BRCA2: variants seen among roughly 807,000 people sequenced by gnomAD.
BRCA2 encodes the protein breast cancer type 2 susceptibility protein.
In BRCA2, 203 loss-of-function variants were observed where a neutral mutation model predicts 276.7. The ratio of observed to expected loss-of-function variants is 0.73; its 90% CI spans 0.65 to 0.82. BRCA2 has a LOEUF of 0.82. Among genes scored for constraint, BRCA2 ranks in the 40% least tolerant of loss-of-function variants. BRCA2 has a pLI of 0.00. For missense variants in BRCA2, 3,920 were observed against 3,915.0 expected, an observed-to-expected ratio of 1.00 and a Z score of -0.03; for synonymous variants, 1,289 against 1,338.4, an observed-to-expected ratio of 0.96 and a Z score of 0.81.
At chr13:32,315,918 T>C (rs1266990855) in intron 1 of BRCA2, among the ~76,000 whole-genome samples, 1 of 152,198 alleles carries the variant, frequency 6.6e-6, no homozygotes, top group Non-Finnish European at 1.5e-5. Context: ...CGCCTTCAGC[T>C]CAAGACTTAA....
chr13:32,377,520 G>A (rs1315663704), intron 21 of BRCA2, among the ~76,000 whole-genome samples: 1 of 151,230 alleles, frequency 6.6e-6, no homozygotes, highest in Non-Finnish European at 1.5e-5. Context: ...AATCCAGGAG[G>A]CAGAGGTTGC....
Position 32,340,486 on chromosome 13 carries a change from G to T in BRCA2, c.6131G>T (p.Gly2044Val), listed in dbSNP as rs56191579. 228 of 1,613,582 alleles carry T rather than the reference G, an allele frequency of 1.4e-4. 3 individuals are homozygous for T. In the East Asian group the frequency reaches 5.0e-3, roughly 35 times the overall value. The change falls in exon 11 of 27, where the codon GGC (glycine) becomes GTC (valine). Residue 2044 changes from glycine (G) to valine (V), a missense_variant. Gly to Val is a moderately radical substitution (Grantham distance 109, BLOSUM62 -3). Transcript: ENST00000380152. Reference protein sequence around the residue: ...RTPEHLISQKGFSYNVVNSSA... With the variant: ...RTPEHLISQKVFSYNVVNSSA... ...CCAGAACATTTAATATCCCAAAAAG[G>T]CTTTTCATATAATGTGGTAAATTCA...
chr13:32,384,972 G>A, intron 24 of BRCA2: 1 of 374,768 alleles, frequency 2.7e-6, no homozygotes, highest in Non-Finnish European at 5.0e-6. Flanking sequence ...TTGCCTGGGT[G>A]TATTACCACA....
intron 24 of BRCA2, chr13:32,384,748 A>G: frequency 3.9e-6 from 1 of 255,078 alleles, no homozygotes; most frequent in South Asian, 7.5e-5. Flanking sequence ...ATTAAAGATG[A>G]TGAAATGCCT....
At chr13:32,388,387 G>T (rs758242928) in intron 24 of BRCA2, among the ~76,000 whole-genome samples, 1 of 152,080 alleles carries the variant, frequency 6.6e-6, no homozygotes, top group East Asian at 1.9e-4. Context: ...ACAAAGTGCT[G>T]GGATTATAGG....
In BRCA2 at chr13:32,325,460, AAGTC is replaced by A. The variant is rs202006492; in HGVS notation, c.425+281_425+284del. 3.8e-3 allele frequency among the ~76,000 whole-genome samples: 581 copies of A among 152,270 alleles called. 5 individuals carry two copies. The highest frequency in any genetic ancestry group is 0.013 in the African/African-American group (548 of 41,562). ...AAAAATAACAGTGGTGAAAAGCAGT[AAGTC>A]AGTCCTTGAATTATCAATTTAAAAT... is the stretch of plus-strand genomic sequence containing the variant. On this transcript the variant is annotated intron_variant, in intron 4 of 26. Transcript: ENST00000380152.
intron 25 of BRCA2, 130 bp downstream of exon 25, chr13:32,395,063 T>A: frequency 7.8e-7 from 1 of 1,289,264 alleles, no homozygotes; most frequent in Non-Finnish European, 1.1e-6. Context: ...AATCATATAT[T>A]AATTGCCCAT....
chr13:32,321,858 A>G (rs924367154), intron 3 of BRCA2, among the ~76,000 whole-genome samples: 3 of 152,148 alleles, frequency 2.0e-5, no homozygotes, highest in African/African-American at 7.2e-5. Flanking sequence ...ACCATTCTTC[A>G]GCTTATTAAT....
At chr13:32,350,857 A>G (rs1000343210) in intron 13 of BRCA2, among the ~76,000 whole-genome samples, 2 of 152,246 alleles carry the variant, frequency 1.3e-5, no homozygotes, top group Non-Finnish European at 2.9e-5. Context: ...GAACATTGAT[A>G]GTGAGAGGTG....
chr13:32,363,367 C>T lies in BRCA2; in HGVS notation c.8165C>T (p.Thr2722Ile), dbSNP rs80359062. ...DTQKVAIIELTDGWYAVKAQL... is the reference protein window; with the variant it reads ...DTQKVAIIELIDGWYAVKAQL... ...CAAAAAGTGGCCATTATTGAACTTA[C>T]AGATGGGTGGTATGCTGTTAAGGCC... The change falls in exon 18 of 27, where the codon ACA becomes ATA. Residue 2722 changes from threonine (T) to isoleucine (I), a missense_variant. Coordinates refer to ENST00000380152, the MANE Select transcript of BRCA2 (RefSeq NM_000059.4). 1 of 1,614,150 alleles carries T rather than the reference C, an allele frequency of 6.2e-7. No homozygotes were observed. Among genetic ancestry groups the T allele is most frequent in the East Asian group, 2.2e-5 (1 of 44,882 alleles).
In BRCA2 at chr13:32,354,913, C is replaced by G. The variant is rs80358936; in HGVS notation, c.7060C>G (p.Gln2354Glu). The G allele has an allele frequency of 6.2e-7, 1 of 1,613,602 alleles. No homozygotes were observed. The highest frequency in any genetic ancestry group is 1.7e-5 in the Admixed American group (1 of 59,972). Residue 2354 changes from glutamine (Q) to glutamate (E), a missense_variant, in exon 14 of 27, where the codon CAA (glutamine) becomes GAA (glutamate). Gln to Glu is a conservative substitution (Grantham distance 29, BLOSUM62 2). This residue lies in a region of BRCA2 where 3,263 missense variants were observed against 3,156.9 expected (regional missense o/e 1.03). Transcript: ENST00000380152. ...IQNPNFTAPG[Q>E]EFLSKSHLYE... ...GAATCCAAATTTTACCGCACCTGGT[C>G]AAGAATTTCTGTCTAAATCTCATTT...
chr13:32,346,447 T>C (rs932144263), intron 12 of BRCA2, among the ~76,000 whole-genome samples: 1 of 152,078 alleles, frequency 6.6e-6, no homozygotes, highest in South Asian at 2.1e-4. Flanking sequence ...AGTGGACTTA[T>C]TGAAGATTTA....
intron 20 of BRCA2, among the ~76,000 whole-genome samples, chr13:32,371,638 T>G (rs1475247165): frequency 5.9e-5 from 9 of 152,112 alleles, no homozygotes; most frequent in South Asian, 2.1e-4. Flanking sequence ...TGCAGAAATA[T>G]TGCTCCTTAT....
rs1453846496 is a variant in BRCA2, at chr13:32,376,784, A to ACCT, written c.8748_8750dup (p.Leu2917dup). ...GTGAAGAATGCAGCAGACCCAGCTT[A>ACCT]CCTTGAGGTGAGAGAGTAAGAGGAC... On this transcript the variant is annotated inframe_insertion, in exon 21 of 27. Coordinates refer to ENST00000380152, the MANE Select transcript of BRCA2 (RefSeq NM_000059.4). 6.2e-7 allele frequency: 1 copy of ACCT among 1,614,126 alleles called. No individual in the cohort carries two copies. Among genetic ancestry groups the ACCT allele is most frequent in the Non-Finnish European group, 8.5e-7 (1 of 1,180,004 alleles).
chr13:32,324,794 T>G (rs2072331454), intron 3 of BRCA2, among the ~76,000 whole-genome samples: 1 of 152,136 alleles, frequency 6.6e-6, no homozygotes, highest in Admixed American at 6.5e-5. Context: ...CAGCGTTTTC[T>G]TTGTAGAGGC....
chr13:32,385,571 T>C (rs1022307557), intron 24 of BRCA2: 11 of 267,198 alleles, frequency 4.1e-5, no homozygotes, highest in Non-Finnish European at 6.7e-5. Flanking sequence ...ACACAAAAGA[T>C]CCAAATGAAG....
chr13:32,337,237 A>T lies in BRCA2; in HGVS notation c.2882A>T (p.Gln961Leu), dbSNP rs2072467086. The change falls in exon 11 of 27, where the codon CAG becomes CTG. Residue 961 changes from glutamine (Q) to leucine (L), a missense_variant. Physicochemically the swap from Gln to Leu is moderately radical, Grantham distance 113. Around this residue, in one of 2 missense-constraint regions of BRCA2, gnomAD observed 3,263 missense variants for 3,156.9 expected, o/e 1.03. Transcript: ENST00000380152. ...GAGGAGAACAAAAATAGTGTAAAGC[A>T]GCATATAAAAATGACTCTAGGTCAA... ...LAEENKNSVK[Q>L]HIKMTLGQDL... 6.2e-7 allele frequency: 1 copy of T among 1,612,058 alleles called. No individual in the cohort carries two copies. Among genetic ancestry groups the T allele is most frequent in the Non-Finnish European group, 8.5e-7 (1 of 1,179,404 alleles).
chr13:32,340,172 G>A lies in BRCA2; in HGVS notation c.5817G>A (p.Leu1939=), dbSNP rs2137521297. The A allele has an allele frequency of 6.2e-7, 1 of 1,613,116 alleles. No individual in the cohort carries two copies. The highest frequency in any genetic ancestry group is 2.2e-5 in the East Asian group (1 of 44,854). ...ILQHNQNMSG[L]EKVSKISPCD... ...AACATAACCAAAATATGTCTGGATTGGAGAAAGTTTCTAAAATATCACCTT... is the reference window on the plus strand; with the variant it reads ...AACATAACCAAAATATGTCTGGATTAGAGAAAGTTTCTAAAATATCACCTT... The change falls in exon 11 of 27, where the codon TTG becomes TTA. Residue 1939 remains leucine (L), a synonymous_variant. Transcript: ENST00000380152.
chr13:32,352,013 G>A (rs760024287), intron 13 of BRCA2, among the ~76,000 whole-genome samples: 7 of 152,110 alleles, frequency 4.6e-5, no homozygotes, highest in Non-Finnish European at 2.9e-5. Flanking sequence ...GTGTTAGCCA[G>A]GATGGTCTGG....
Sources: gnomAD v4.1 joint callset for allele counts (sites outside exome capture counted in the v4.1 genomes callset) on GRCh38, gnomAD v4.1.1 for gene constraint, gnomAD v4.1.1 regional missense constraint, MANE v1.5 for transcripts, NCBI Gene and HGNC (gene_info 2026-07-23, HGNC 2026-07-21) for gene names.